The following PDE1A variants were observed in gnomAD, a reference collection of about 807,000 sequenced individuals.
The protein encoded by PDE1A is dual specificity calcium/calmodulin-dependent 3',5'-cyclic nucleotide phosphodiesterase 1A.
PDE1A carries 35 observed loss-of-function variants against 61.7 expected under a neutral mutation model. The ratio of observed to expected loss-of-function variants is 0.57; its 90% CI spans 0.43 to 0.75. The LOEUF is 0.75. Among genes scored for constraint, PDE1A ranks in the 30% least tolerant of loss-of-function variants. PDE1A has a pLI of 0.00. For synonymous variants in PDE1A, 232 were observed against 213.2 expected, an observed-to-expected ratio of 1.09 and a Z score of -0.77; for missense variants, 597 against 630.6, an observed-to-expected ratio of 0.95 and a Z score of 0.57.
intron 2 of PDE1A, among the ~76,000 whole-genome samples, chr2:182,242,318 T>G (rs1318547548): frequency 1.3e-5 from 2 of 152,228 alleles, no homozygotes; most frequent in African/African-American, 4.8e-5. Flanking sequence ...AAATCCTTAG[T>G]CGTGATGCAT....
chr2:182,450,325 G>A (rs979538378), intron 2 of PDE1A, among the ~76,000 whole-genome samples: 12 of 152,032 alleles, frequency 7.9e-5, no homozygotes, highest in African/African-American at 2.9e-4. Flanking sequence ...GGAAGAAATG[G>A]AGACATAAAG....
In PDE1A at chr2:182,471,033, G is replaced by A. The variant is rs534939107; in HGVS notation, c.101+51243C>T. ...ATTATATACACTTATCTAAAAAACC[G>A]AGAGTAGGCAAATGACAATCTTCAA... On this transcript the variant is annotated intron_variant, in intron 2 of 14. Coordinates refer to the PDE1A transcript ENST00000410103. Among the ~76,000 whole-genome samples the A allele has an allele frequency of 4.5e-4, 68 of 151,756 alleles. 2 individuals carry two copies. Among genetic ancestry groups the A allele is most frequent in the Admixed American group, 7.2e-4 (11 of 15,184 alleles).
intron 1 of PDE1A, among the ~76,000 whole-genome samples, chr2:182,389,823 A>C (rs960209917): frequency 6.6e-6 from 1 of 152,216 alleles, no homozygotes; most frequent in Admixed American, 6.5e-5. Context: ...TAAGGCAGGC[A>C]AAAGAAGGTG....
intron 2 of PDE1A, among the ~76,000 whole-genome samples, chr2:182,491,191 G>A (rs912310082): frequency 6.6e-6 from 1 of 152,212 alleles, no homozygotes; most frequent in African/African-American, 2.4e-5. Context: ...CATACGTTTA[G>A]GGTAACAGCA....
the PDE1A span, among the ~76,000 whole-genome samples, chr2:182,560,645 T>C: frequency 1.3e-5 from 2 of 152,202 alleles, no homozygotes; most frequent in Non-Finnish European, 2.9e-5. Context: ...CCACACTGAC[T>C]TTCACGATGG....
the PDE1A span, among the ~76,000 whole-genome samples, chr2:182,658,205 C>A: frequency 6.6e-6 from 1 of 152,278 alleles, no homozygotes; most frequent in Admixed American, 6.5e-5. Flanking sequence ...CGTCCAAAGT[C>A]AAAGAATCAG....
At chr2:182,703,044 A>G in the PDE1A span, among the ~76,000 whole-genome samples, 441 of 152,352 alleles carry the variant, frequency 2.9e-3, 3 homozygotes, top group Non-Finnish European at 4.9e-3. Flanking sequence ...GAACCTGTTC[A>G]TGTACTTAAG....
intron 1 of PDE1A, chr2:182,522,491 C>T: frequency 1.3e-6 from 2 of 1,540,296 alleles, no homozygotes; most frequent in Non-Finnish European, 1.7e-6. Context: ...TCTATCAAAA[C>T]AGTGCTGATG....
At chr2:182,589,293 A>C in the PDE1A span, among the ~76,000 whole-genome samples, 1 of 150,020 alleles carries the variant, frequency 6.7e-6, no homozygotes, top group Non-Finnish European at 1.5e-5. Flanking sequence ...GGAAGGAAGG[A>C]AGGAAGGAAG....
At chr2:182,245,119 T>C (rs948727883) in intron 2 of PDE1A, among the ~76,000 whole-genome samples, 3 of 152,230 alleles carry the variant, frequency 2.0e-5, no homozygotes, top group Non-Finnish European at 2.9e-5. Flanking sequence ...TGAATAAGCA[T>C]GATTACCTAG....
the PDE1A span, among the ~76,000 whole-genome samples, chr2:182,640,520 C>G: frequency 1.3e-5 from 2 of 151,926 alleles, no homozygotes; most frequent in African/African-American, 4.8e-5. Flanking sequence ...TAGAAACATA[C>G]GTATATTTAA....
intron 1 of PDE1A, among the ~76,000 whole-genome samples, chr2:182,265,036 T>C (rs1559271499): frequency 6.6e-6 from 1 of 151,508 alleles, no homozygotes; most frequent in East Asian, 1.9e-4. Flanking sequence ...TGTTCTCACT[T>C]ATAAGTGGGA....
At chr2:182,710,019 C>A in the PDE1A span, among the ~76,000 whole-genome samples, 1 of 152,184 alleles carries the variant, frequency 6.6e-6, no homozygotes, top group Non-Finnish European at 1.5e-5. Context: ...GCCTCAGACT[C>A]CCGAGTAGCT....
At chr2:182,311,931 T>A (rs1696004521) in intron 1 of PDE1A, among the ~76,000 whole-genome samples, 1 of 152,150 alleles carries the variant, frequency 6.6e-6, no homozygotes, top group East Asian at 1.9e-4. Context: ...TTATCACCAA[T>A]GCTTAATATG....
At chr2:182,555,145 T>C in the PDE1A span, among the ~76,000 whole-genome samples, 4 of 152,206 alleles carry the variant, frequency 2.6e-5, no homozygotes, top group Admixed American at 2.0e-4. Context: ...ACAGTAAACA[T>C]TCCCTGACTT....
At chr2:182,675,581 T>C in the PDE1A span, among the ~76,000 whole-genome samples, 2 of 152,164 alleles carry the variant, frequency 1.3e-5, no homozygotes, top group Admixed American at 1.3e-4. Context: ...CAACAGTGTA[T>C]AAGTTTTCCC....
chr2:182,564,070 G>T, the PDE1A span, among the ~76,000 whole-genome samples: 1 of 152,176 alleles, frequency 6.6e-6, no homozygotes, highest in Non-Finnish European at 1.5e-5. Context: ...AGTTAATATT[G>T]TTATATGTGA....
At chr2:182,192,390 A>T (rs1297269795) in intron 10 of PDE1A, among the ~76,000 whole-genome samples, 1 of 152,084 alleles carries the variant, frequency 6.6e-6, no homozygotes, top group Non-Finnish European at 1.5e-5. Flanking sequence ...ATTTCAAAGT[A>T]TTATTTACTC....
chr2:182,140,138 T>A (rs1437212166), exon 15 of PDE1A: 2 of 152,228 alleles, frequency 1.3e-5, no homozygotes, highest in Non-Finnish European at 2.9e-5. Context: ...CCTCCTCAAA[T>A]ATACATAGGT....
Sources: gnomAD v4.1 joint callset for allele counts (sites outside exome capture counted in the v4.1 genomes callset) on GRCh38, gnomAD v4.1.1 for gene constraint, MANE v1.5 for transcripts, NCBI Gene and HGNC (gene_info 2026-07-23, HGNC 2026-07-21) for gene names.